Variants in ESR1 observed in about 807,000 individuals in gnomAD.
ESR1 encodes estrogen receptor.
Under a neutral mutation model 52.7 loss-of-function variants are expected in ESR1, and 12 were observed. The ratio of observed to expected loss-of-function variants is 0.23; its 90% confidence interval spans 0.15 to 0.37. The LOEUF is 0.37. ESR1 is among the 10% of genes least tolerant of loss of function. The pLI, the probability that ESR1 is intolerant of heterozygous loss-of-function variation, is 1.00. For missense variants in ESR1, 584 were observed against 779.7 expected, an observed-to-expected ratio of 0.75 and a Z score of 2.99; for synonymous variants, 305 against 316.8, an observed-to-expected ratio of 0.96 and a Z score of 0.39.
intron 1 of ESR1, among the ~76,000 whole-genome samples, chr6:151,832,961 A>C (rs1202633506): frequency 1.3e-5 from 2 of 152,192 alleles, no homozygotes; most frequent in Admixed American, 6.5e-5. Flanking sequence ...GTGGACACGT[A>C]GTTATATGAT....
chr6:151,865,534 T>C (rs943748669), intron 2 of ESR1, among the ~76,000 whole-genome samples: 17 of 152,228 alleles, frequency 1.1e-4, no homozygotes, highest in African/African-American at 4.1e-4. Flanking sequence ...CCCATATTCC[T>C]GCAATTTAGT....
At chr6:151,862,560 G>A (rs1789077419) in intron 2 of ESR1, among the ~76,000 whole-genome samples, 1 of 152,176 alleles carries the variant, frequency 6.6e-6, no homozygotes. Flanking sequence ...AGGCCCTGTA[G>A]GACTAAAGGT....
At chr6:152,072,023 C>G (rs551588979) in intron 6 of ESR1, among the ~76,000 whole-genome samples, 28 of 152,280 alleles carry the variant, frequency 1.8e-4, no homozygotes, top group Admixed American at 1.6e-3. Context: ...ATGAATGTAA[C>G]CTTATCATGC....
At chr6:151,774,661 G>T (rs564411934) in intron 2 of ESR1, among the ~76,000 whole-genome samples, 5 of 152,232 alleles carry the variant, frequency 3.3e-5, no homozygotes, top group Non-Finnish European at 7.4e-5. Context: ...CATTTAGATA[G>T]TCTATATTAA....
At chr6:152,022,452 A>G (rs775162489) in intron 5 of ESR1, among the ~76,000 whole-genome samples, 1 of 152,172 alleles carries the variant, frequency 6.6e-6, no homozygotes, top group Non-Finnish European at 1.5e-5. Context: ...TCAGAGCTGA[A>G]GATAAAAAAT....
chr6:152,079,963 A>G (rs2049056374), intron 6 of ESR1, among the ~76,000 whole-genome samples: 1 of 152,238 alleles, frequency 6.6e-6, no homozygotes, highest in South Asian at 2.1e-4. Context: ...AAAAGAAACG[A>G]ACAAAGCCTC....
chr6:151,796,191 A>G (rs975922589), intron 2 of ESR1, among the ~76,000 whole-genome samples: 1 of 151,956 alleles, frequency 6.6e-6, no homozygotes, highest in East Asian at 1.9e-4. Flanking sequence ...AAAACAGAAC[A>G]AAACAAAAAA....
chr6:151,985,849 G>A (rs1348584592), intron 4 of ESR1, among the ~76,000 whole-genome samples: 1 of 151,914 alleles, frequency 6.6e-6, no homozygotes, highest in Non-Finnish European at 1.5e-5. Context: ...TGTATTTTTA[G>A]TATAGACAGG....
chr6:152,104,776 G>A (rs923364750), downstream of ESR1, among the ~76,000 whole-genome samples: 3 of 152,092 alleles, frequency 2.0e-5, no homozygotes, highest in African/African-American at 7.2e-5. Context: ...AACTTCTTTT[G>A]TTCTAATGAG....
chr6:152,039,615 T>C (rs1482454425), intron 5 of ESR1, among the ~76,000 whole-genome samples: 1 of 152,110 alleles, frequency 6.6e-6, no homozygotes, highest in Non-Finnish European at 1.5e-5. Flanking sequence ...CTAGGGGTGA[T>C]GGTGAGTGGT....
chr6:152,058,918 G>A lies in ESR1; in HGVS notation c.1236-2073G>A, dbSNP rs549908682. Among the ~76,000 whole-genome samples, 103 of 152,114 alleles carry A rather than the reference G, an allele frequency of 6.8e-4. 1 individual carries two copies. Among genetic ancestry groups the A allele is most frequent in the African/African-American group, 2.3e-3 (95 of 41,526 alleles). On this transcript the variant is annotated intron_variant, in intron 5 of 7. Transcript: ENST00000206249. ...ATCTTGAGTCCTAATCCCCTCATTT[G>A]GAAAATGGAAATAATAATGCTAATC...
chr6:151,775,576 T>A (rs1250919573), intron 2 of ESR1, among the ~76,000 whole-genome samples: 1 of 151,750 alleles, frequency 6.6e-6, no homozygotes, highest in African/African-American at 2.4e-5. Context: ...TGAAACCCTG[T>A]CTCTACTAAA....
At chr6:151,968,816 G>A (rs188525878) in intron 4 of ESR1, among the ~76,000 whole-genome samples, 2 of 152,216 alleles carry the variant, frequency 1.3e-5, no homozygotes, top group East Asian at 3.9e-4. Flanking sequence ...AGCAACTTGG[G>A]CCATGGACTG....
At chr6:151,810,439 T>C (rs1778629679) in intron 1 of ESR1, among the ~76,000 whole-genome samples, 2 of 152,212 alleles carry the variant, frequency 1.3e-5, no homozygotes, top group South Asian at 4.1e-4. Flanking sequence ...AAGTTCTTCA[T>C]ATGGACAGAT....
chr6:151,837,283 A>G (rs1490956654), intron 1 of ESR1, among the ~76,000 whole-genome samples: 3 of 152,034 alleles, frequency 2.0e-5, no homozygotes, highest in Non-Finnish European at 4.4e-5. Context: ...TATTTTTACC[A>G]GAGATGGGGT....
chr6:151,682,155 AT>A (rs1778485315), intron 1 of ESR1, among the ~76,000 whole-genome samples: 1 of 152,152 alleles, frequency 6.6e-6, no homozygotes, highest in East Asian at 1.9e-4. Flanking sequence ...TTATTTTCCC[AT>A]GCCCAAGTCA....
At chr6:151,697,482 T>C (rs578116084) in intron 1 of ESR1, among the ~76,000 whole-genome samples, 2 of 152,262 alleles carry the variant, frequency 1.3e-5, no homozygotes, top group African/African-American at 4.8e-5. Context: ...CTAAGTGATA[T>C]AATTTTGAAA....
At chr6:151,995,674 A>G (rs775149235) in intron 4 of ESR1, among the ~76,000 whole-genome samples, 1 of 152,160 alleles carries the variant, frequency 6.6e-6, no homozygotes, top group Non-Finnish European at 1.5e-5. Flanking sequence ...ACTTGATTTT[A>G]TTTATTCCAC....
exon 7 of ESR1, chr6:152,125,636 TAAC>T (rs1488674238): frequency 6.7e-6 from 2 of 299,922 alleles, no homozygotes; most frequent in African/African-American, 4.3e-5. Flanking sequence ...AGATGAGTTA[TAAC>T]AGAGTGACTG....
Sources: gnomAD v4.1 joint callset for allele counts (sites outside exome capture counted in the v4.1 genomes callset) on GRCh38, gnomAD v4.1.1 for gene constraint, MANE v1.5 for transcripts, NCBI Gene and HGNC (gene_info 2026-07-23, HGNC 2026-07-21) for gene names.